Variants in KIF22 observed in about 807,000 individuals in gnomAD.
KIF22 encodes the protein kinesin-like protein KIF22.
Under a neutral mutation model 73.0 loss-of-function variants are expected in KIF22, and 62 were observed. The observed-to-expected ratio is 0.85, with a 90% CI of 0.69 to 1.05. KIF22 has a LOEUF of 1.05. KIF22 is among the 50% of genes least tolerant of loss of function. The probability of loss-of-function intolerance (pLI) is 0.00; values close to 1 mark genes in which losing one functional copy is unlikely to be tolerated. For synonymous variants in KIF22, 411 were observed against 340.1 expected (o/e 1.21, Z -2.29); for missense variants, 854 against 870.1 (o/e 0.98, Z 0.23).
Position 29,797,620 on chromosome 16 carries a change from A to G in KIF22, c.266+532A>G, listed in dbSNP as rs1898984407. 6.6e-6 allele frequency among the ~76,000 whole-genome samples: 1 copy of G among 152,200 alleles called. No homozygotes were observed. The highest frequency in any genetic ancestry group is 1.5e-5 in the Non-Finnish European group (1 of 68,034). On this transcript the variant is annotated intron_variant, in intron 2 of 13. Coordinates refer to ENST00000160827, the MANE Select transcript of KIF22 (RefSeq NM_007317.3). The surrounding 1 kb of genome is among the most constrained non-coding windows in gnomAD (Gnocchi z 4.1). Reference sequence around the variant, plus strand: ...GTAAATAAAATTTTATCGTTTATTTACATATTGTCTATAGCTGCTTTCTGA... The same window carrying G: ...GTAAATAAAATTTTATCGTTTATTTGCATATTGTCTATAGCTGCTTTCTGA...
rs960617208 is a variant in KIF22, at chr16:29,805,183, A to G, written c.1950+9A>G. ...TGGAGTCCTTCCTGAAGGTGAAGTC[A>G]CGGCCCTGCCCCTCCTCTGCCTGTC... On this transcript the variant is annotated intron_variant, in intron 13 of 13. Coordinates refer to ENST00000160827, the MANE Select transcript of KIF22 (RefSeq NM_007317.3). 9 of 1,613,866 alleles carry G rather than the reference A, an allele frequency of 5.6e-6. No individual in the cohort carries two copies. The highest frequency in any genetic ancestry group is 7.6e-6 in the Non-Finnish European group (9 of 1,180,020).
In KIF22 at chr16:29,802,895, G is replaced by C; in HGVS notation, c.1407G>C (p.Met469Ile). The C allele has an allele frequency of 6.2e-7, 1 of 1,612,434 alleles. No homozygotes were observed. Among genetic ancestry groups the C allele is most frequent in the Admixed American group, 1.7e-5 (1 of 59,638 alleles). The change falls in exon 9 of 14, where the codon ATG becomes ATC. Residue 469 changes from methionine (M) to isoleucine (I), a missense_variant. By Grantham distance (10) the Met-to-Ile change is conservative. This residue lies in a region of KIF22 where 423 missense variants were observed against 365.4 expected (regional missense o/e 1.16). Coordinates refer to ENST00000160827, the MANE Select transcript of KIF22 (RefSeq NM_007317.3). ...TGAGTACCCCAAAGCGAGAGCGGAT[G>C]GTGCTAATGAAGACAGTGGAAGAGA... The part of the protein sequence containing the change: ...PLLSTPKRER[M>I]VLMKTVEEKD...
In KIF22 at chr16:29,796,966, G is replaced by T; in HGVS notation, c.144G>T (p.Val48=). 2 of 1,614,172 alleles carry T rather than the reference G, an allele frequency of 1.2e-6. No homozygotes were observed. Among genetic ancestry groups the T allele is most frequent in the South Asian group, 2.2e-5 (2 of 91,084 alleles). The change falls in exon 2 of 14, where the codon GTG becomes GTT. Residue 48 remains valine, a synonymous_variant. Coordinates refer to ENST00000160827, the MANE Select transcript of KIF22 (RefSeq NM_007317.3). ...RPPPARVRVA[V]RLRPFVDGTA... ...CTCCAGCTCGCGTAAGGGTGGCTGT[G>T]CGACTGCGGCCATTTGTGGATGGAA...
rs1596857353 is a variant in KIF22 at position 29,804,279 on chromosome 16, G to C, written c.1677+214G>C. The C allele has an allele frequency of 1.3e-5, 8 of 614,438 alleles. No individual in the cohort carries two copies. In the East Asian group the frequency reaches 1.6e-4, roughly 13 times the overall value. The allele number at this position is 614,438 out of a possible 1,614,324, so 38.1% of individuals were successfully genotyped here. A position where few individuals can be genotyped will look rare whatever the true frequency, so the allele number is the denominator to read the frequency against. On this transcript the variant is annotated intron_variant, in intron 11 of 13. Coordinates refer to ENST00000160827, the MANE Select transcript of KIF22 (RefSeq NM_007317.3). The stretch of plus-strand genomic sequence containing the variant: ...GGCAGTGATGTGGATGTACCTCGCA[G>C]AGCGGATGTTCCACTGTGTAGCCTG...
chr16:29,791,865 C>G (rs1898827986), intron 1 of KIF22, among the ~76,000 whole-genome samples: 1 of 152,178 alleles, frequency 6.6e-6, no homozygotes, highest in Non-Finnish European at 1.5e-5. Flanking sequence ...TCCCCTTACC[C>G]TTCGAAGATG....
In KIF22 at chr16:29,798,408, C is replaced by T; in HGVS notation, c.301C>T (p.Gln101Ter). Residue 101 changes from glutamine (Q) to a stop codon, truncating the protein, a stop_gained, in exon 3 of 14, where the codon CAG (glutamine) becomes TAG (stop). Coordinates refer to ENST00000160827, the MANE Select transcript of KIF22 (RefSeq NM_007317.3). LOFTEE classifies it high-confidence loss of function. This position sits in a 1 kb window ranked among gnomAD's most constrained non-coding sequence, Gnocchi z 4.1. Reference sequence around the variant, plus strand: ...CTTCTATGGGGAGAGGAGTACTCAGCAGGACATCTATGCAGGTTCAGTGCA... The same window carrying T: ...CTTCTATGGGGAGAGGAGTACTCAGTAGGACATCTATGCAGGTTCAGTGCA... ...DAFYGERSTQ[Q>*]DIYAGSVQPI... 1 of 1,599,742 alleles carries T rather than the reference C, an allele frequency of 6.3e-7. No individual in the cohort carries two copies. The highest frequency in any genetic ancestry group is 8.5e-7 in the Non-Finnish European group (1 of 1,171,400).
chr16:29,791,270 G>A, intron 1 of KIF22: 3 of 1,006,984 alleles, frequency 3.0e-6, no homozygotes, highest in African/African-American at 1.7e-5. Context: ...TGGGTGCAGA[G>A]ACATCCCTGA....
chr16:29,800,137 C>CTG, intron 8 of KIF22, 89 bp downstream of exon 8: 6 of 1,423,444 alleles, frequency 4.2e-6, no homozygotes, highest in Non-Finnish European at 5.6e-6. Context: ...GAGCAGAGAG[C>CTG]TGTGATCTTG....
Position 29,799,081 on chromosome 16 carries a change from CT to C in KIF22, c.657del (p.Asp220IlefsTer15), listed in dbSNP as rs747676044. 6.2e-7 allele frequency: 1 copy of C among 1,614,172 alleles called. No homozygotes were observed. The highest frequency in any genetic ancestry group is 1.1e-5 in the South Asian group (1 of 91,090). On this transcript the variant is annotated frameshift_variant, in exon 5 of 14. Coordinates refer to ENST00000160827, the MANE Select transcript of KIF22 (RefSeq NM_007317.3). LOFTEE classifies it high-confidence loss of function. The stretch of plus-strand genomic sequence containing the variant: ...TCCCAGAAGCCCATCAGTAGCTTTG[CT>C]GATTTTGAGCGGCACTTCCTGCCAG... Reference protein sequence around the residue: ...GLSQKPISSFADFERHFLPAS... With the variant: ...GLSQKPISSFXDFERHFLPAS...
intron 1 of KIF22, 144 bp downstream of exon 1, chr16:29,790,973 G>T (rs1425172056): frequency 6.8e-7 from 1 of 1,475,378 alleles, no homozygotes; most frequent in African/African-American, 1.4e-5. Context: ...CGGTGAGAGT[G>T]TGGGGTCGCG....
rs1467657108 is a variant in KIF22 at position 29,802,763 on chromosome 16, G to A, written c.1281-6G>A. Reference sequence around the variant, plus strand: ...TAGGTGGGGAGCAACTTCTTTTTCTGCTCAGCCCCCTACAGAAGCTAAGCA... The same window carrying A: ...TAGGTGGGGAGCAACTTCTTTTTCTACTCAGCCCCCTACAGAAGCTAAGCA... On this transcript the variant is annotated splice_region_variant and splice_polypyrimidine_tract_variant and intron_variant, in intron 8 of 13. Transcript: ENST00000160827. 3 of 1,554,146 alleles carry A rather than the reference G, an allele frequency of 1.9e-6. No individual in the cohort carries two copies. Among genetic ancestry groups the A allele is most frequent in the Non-Finnish European group, 1.7e-6 (2 of 1,155,206 alleles).
In KIF22 at chr16:29,799,204, C is replaced by T. The variant is rs929602607; in HGVS notation, c.759+20C>T. ...GTCAAGGTGAGGCCGCAGACAGGGG[C>T]GAGGACCTGGGAAGCCCAGGAGCCT... On this transcript the variant is annotated intron_variant, in intron 5 of 13. Transcript: ENST00000160827. 10 of 1,611,264 alleles carry T rather than the reference C, an allele frequency of 6.2e-6. No homozygotes were observed. Among genetic ancestry groups the T allele is most frequent in the South Asian group, 3.3e-5 (3 of 90,806 alleles).
At position 29,799,960 on chromosome 16, in the gene KIF22, G is replaced by A; in HGVS notation, c.1192G>A (p.Glu398Lys). 6.2e-7 allele frequency: 1 copy of A among 1,614,192 alleles called. No individual in the cohort carries two copies. The highest frequency in any genetic ancestry group is 8.5e-7 in the Non-Finnish European group (1 of 1,180,036). Reference sequence around the variant, plus strand: ...TCAGAAAGAATTGCTTGGTCCACCAGAGGCAAAGAGAGCCCGAGGCCCTGA... The same window carrying A: ...TCAGAAAGAATTGCTTGGTCCACCAAAGGCAAAGAGAGCCCGAGGCCCTGA... ...LSQKELLGPP[E>K]AKRARGPEEE... The change falls in exon 8 of 14, where the codon GAG (glutamate) becomes AAG (lysine). Residue 398 changes from glutamate (E) to lysine (K), a missense_variant. Glu to Lys is a moderately conservative substitution (Grantham distance 56). Coordinates refer to ENST00000160827, the MANE Select transcript of KIF22 (RefSeq NM_007317.3).
At position 29,797,314 on chromosome 16, in the gene KIF22, CAG is replaced by C. The variant is rs1245493982; in HGVS notation, c.266+231_266+232del. On this transcript the variant is annotated intron_variant, in intron 2 of 13. Coordinates refer to ENST00000160827, the MANE Select transcript of KIF22 (RefSeq NM_007317.3). The surrounding 1 kb of genome is among the most constrained non-coding windows in gnomAD (Gnocchi z 4.1). ...TGAATCAAACATACATTACTGTGCA[CAG>C]AGAGGGAGGAGCAATGAGGGTGAGC... Among the ~76,000 whole-genome samples the C allele has an allele frequency of 6.6e-6, 1 of 152,040 alleles. No individual in the cohort carries two copies. The highest frequency in any genetic ancestry group is 1.9e-4 in the East Asian group (1 of 5,184).
chr16:29,803,889 C>G lies in KIF22; in HGVS notation c.1610-109C>G. On this transcript the variant is annotated intron_variant, in intron 10 of 13. Coordinates refer to ENST00000160827, the MANE Select transcript of KIF22 (RefSeq NM_007317.3). Reference sequence around the variant, plus strand: ...GTCATGTGGAAACACAACAGGTTAACTCTGGATGGAGGGGAGCTGGGGAAT... The same window carrying G: ...GTCATGTGGAAACACAACAGGTTAAGTCTGGATGGAGGGGAGCTGGGGAAT... 10 of 868,414 alleles carry G rather than the reference C, an allele frequency of 1.2e-5. No individual in the cohort carries two copies. In the South Asian group the frequency reaches 1.4e-4, roughly 12 times the overall value. 53.8% of individuals were successfully genotyped at this position (868,414 alleles called of 1,614,324 possible).
At chr16:29,804,261 ATG>A (rs1899258452) in intron 11 of KIF22, 196 bp downstream of exon 11, 1 of 626,450 alleles carries the variant, frequency 1.6e-6, no homozygotes, top group Non-Finnish European at 2.9e-6. Flanking sequence ...GAAGGCAGTG[ATG>A]TGGATGTACC....
chr16:29,796,810 C>A, intron 1 of KIF22, 83 bp from the exon 2 acceptor site: 1 of 1,347,426 alleles, frequency 7.4e-7, no homozygotes, highest in South Asian at 1.2e-5. Flanking sequence ...GAGCTGTGGC[C>A]CCCAGCCCGC....
intron 1 of KIF22, among the ~76,000 whole-genome samples, chr16:29,792,982 A>G (rs1898856604): frequency 6.6e-6 from 1 of 152,172 alleles, no homozygotes. Context: ...TTCAAGAGAG[A>G]TTTAAAGAGA....
In KIF22 at chr16:29,798,344, ACACG is replaced by A. The variant is rs760661604; in HGVS notation, c.267-28_267-25del. Reference sequence around the variant, plus strand: ...CACACACACACACACACACACACACACACGCTAATTTCTTTCTTTCTTCCTGCAG... The same window carrying A: ...CACACACACACACACACACACACACACTAATTTCTTTCTTTCTTCCTGCAG... On this transcript the variant is annotated intron_variant, in intron 2 of 13. Transcript: ENST00000160827. This position sits in a 1 kb window ranked among gnomAD's most constrained non-coding sequence, Gnocchi z 4.1. 3.0e-5 allele frequency: 42 copies of A among 1,379,212 alleles called. No individual in the cohort carries two copies. The highest frequency in any genetic ancestry group is 4.3e-5 in the East Asian group (1 of 23,420). 85.4% of individuals were successfully genotyped at this position (1,379,212 alleles called of 1,614,324 possible). A position where few individuals can be genotyped will look rare whatever the true frequency, so the allele number is the denominator to read the frequency against.
Sources: allele counts gnomAD v4.1 joint callset (sites outside exome capture counted in the v4.1 genomes callset), GRCh38; gene constraint gnomAD v4.1.1; regional missense constraint gnomAD v4.1.1; non-coding constraint Gnocchi (gnomAD v3.1); transcripts MANE v1.5; gene names NCBI Gene and HGNC (gene_info 2026-07-23, HGNC 2026-07-21).